Variants in CLOCK observed in about 807,000 individuals in gnomAD.
The protein encoded by CLOCK is clock circadian regulator.
In CLOCK, 43 loss-of-function variants were observed where a neutral mutation model predicts 118.4. The observed-to-expected ratio is 0.36, with a 90% confidence interval of 0.28 to 0.47. CLOCK has a LOEUF of 0.47. Ranked by LOEUF, CLOCK falls within the 20% of genes least tolerant of loss-of-function variation. The pLI is 1.00. For missense variants in CLOCK, 846 were observed against 999.9 expected (o/e 0.85, Z 2.08); for synonymous variants, 326 against 339.2 (o/e 0.96, Z 0.43).
intron 1 of CLOCK, chr4:55,545,882 G>A (rs1399107689): frequency 6.6e-6 from 1 of 152,260 alleles, no homozygotes; most frequent in African/African-American, 2.4e-5. Context: ...AAGAGAAACC[G>A]AGCGCCTCGC....
At chr4:55,501,035 GAA>G (rs2109988748) in intron 2 of CLOCK, among the ~76,000 whole-genome samples, 1 of 151,974 alleles carries the variant, frequency 6.6e-6, no homozygotes, top group South Asian at 2.1e-4. Flanking sequence ...TGTGTTTTTA[GAA>G]GAGACGAGGT....
intron 7 of CLOCK, among the ~76,000 whole-genome samples, chr4:55,474,549 T>C (rs1241207992): frequency 6.6e-6 from 1 of 152,118 alleles, no homozygotes; most frequent in Non-Finnish European, 1.5e-5. Context: ...GAAGATGCCA[T>C]CTAGAACTTT....
chr4:55,520,161 A>G (rs534480768), intron 1 of CLOCK, among the ~76,000 whole-genome samples: 14 of 152,360 alleles, frequency 9.2e-5, no homozygotes, highest in African/African-American at 3.4e-4. Flanking sequence ...TGGGTTCCAC[A>G]GTATGCCTTA....
chr4:55,469,652 G>GA (rs1174279893), intron 8 of CLOCK, among the ~76,000 whole-genome samples: 3 of 152,118 alleles, frequency 2.0e-5, no homozygotes, highest in Non-Finnish European at 4.4e-5. Flanking sequence ...TTTTTAAATA[G>GA]AAAAAAGCTT....
chr4:55,533,268 T>C (rs922505286), intron 1 of CLOCK, among the ~76,000 whole-genome samples: 1 of 152,040 alleles, frequency 6.6e-6, no homozygotes, highest in African/African-American at 2.4e-5. Context: ...GGTACTGACA[T>C]AAATACAGAG....
intron 1 of CLOCK, among the ~76,000 whole-genome samples, chr4:55,520,304 T>C (rs965348785): frequency 6.6e-6 from 1 of 152,178 alleles, no homozygotes; most frequent in Admixed American, 6.5e-5. Context: ...TCCCAAAACC[T>C]TGACTTCTAT....
intron 8 of CLOCK, among the ~76,000 whole-genome samples, chr4:55,469,660 C>T (rs1725996252): frequency 6.6e-6 from 1 of 152,204 alleles, no homozygotes; most frequent in South Asian, 2.1e-4. Flanking sequence ...TAGAAAAAAG[C>T]TTTTGAAATA....
chr4:55,445,623 C>T (rs1723766992), intron 18 of CLOCK, among the ~76,000 whole-genome samples: 1 of 81,780 alleles, frequency 1.2e-5, no homozygotes, highest in Non-Finnish European at 2.5e-5. Context: ...CAGGATCTCA[C>T]TCTGTCACCC....
chr4:55,448,719 T>A, intron 18 of CLOCK, 60 bp downstream of exon 18: 1 of 1,367,014 alleles, frequency 7.3e-7, no homozygotes, highest in Non-Finnish European at 1.0e-6. Context: ...AAAAATTACA[T>A]TAGCTTAAAA....
intron 1 of CLOCK, among the ~76,000 whole-genome samples, chr4:55,517,185 C>T (rs11939580): frequency 0.3 from 46,107 of 151,984 alleles, 7,599 homozygotes; most frequent in East Asian, 0.58. Flanking sequence ...GCCATGTATC[C>T]CTAGAATAAA....
intron 9 of CLOCK, among the ~76,000 whole-genome samples, chr4:55,462,990 G>A (rs1031576197): frequency 2.0e-5 from 3 of 152,164 alleles, no homozygotes; most frequent in Non-Finnish European, 4.4e-5. Flanking sequence ...ATTAAACAAG[G>A]TATCTAATAG....
Position 55,443,791 on chromosome 4 carries a change from G to C in CLOCK, c.1798C>G (p.Gln600Glu). The C allele has an allele frequency of 6.2e-7, 1 of 1,613,968 alleles. No individual in the cohort carries two copies. Among genetic ancestry groups the C allele is most frequent in the Non-Finnish European group, 8.5e-7 (1 of 1,179,916 alleles). ...QQLAPINMQG[Q>E]VVPTNQIQSG... Reference sequence around the variant, plus strand: ...TGAATCTGGTTAGTAGGAACAACTTGGCCTTGCATATTTATAGGTGCAAGT... The same window carrying C: ...TGAATCTGGTTAGTAGGAACAACTTCGCCTTGCATATTTATAGGTGCAAGT... The change falls in exon 20 of 23, where the codon CAA becomes GAA. Residue 600 changes from glutamine (Q) to glutamate (E), a missense_variant. Gln to Glu is a conservative substitution (Grantham distance 29). Around this residue, in one of 4 missense-constraint regions of CLOCK, gnomAD observed 520 missense variants for 558.0 expected, o/e 0.93. Coordinates refer to ENST00000513440, the MANE Select transcript of CLOCK (RefSeq NM_004898.4).
In CLOCK at chr4:55,433,251, AAATC is replaced by A; in HGVS notation, c.*2160_*2163del. ...TTCTTGATATTCATGGGAATGTGGG[AAATC>A]TCTACTGGATGGTCATTTAGCTAGA... On this transcript the variant is annotated 3_prime_UTR_variant, in exon 23 of 23. Coordinates refer to ENST00000513440, the MANE Select transcript of CLOCK (RefSeq NM_004898.4). The A allele has an allele frequency of 6.5e-6, 1 of 152,756 alleles. No individual in the cohort carries two copies. Among genetic ancestry groups the A allele is most frequent in the Middle Eastern group, 3.4e-3 (1 of 294 alleles). 9.5% of individuals were successfully genotyped at this position (152,756 alleles called of 1,614,324 possible).
intron 1 of CLOCK, among the ~76,000 whole-genome samples, chr4:55,515,233 T>G (rs1051781997): frequency 6.6e-6 from 1 of 152,212 alleles, no homozygotes; most frequent in African/African-American, 2.4e-5. Context: ...ATTTCTACTT[T>G]CATGTCTTCT....
intron 9 of CLOCK, among the ~76,000 whole-genome samples, chr4:55,461,629 G>T (rs540759998): frequency 1.3e-5 from 2 of 152,224 alleles, no homozygotes; most frequent in Non-Finnish European, 2.9e-5. Flanking sequence ...TGCAGGTCAG[G>T]TGAGCACAGC....
At chr4:55,501,712 G>A (rs1287552385) in intron 2 of CLOCK, 1 of 152,130 alleles carries the variant, frequency 6.6e-6, no homozygotes, top group African/African-American at 2.4e-5. Flanking sequence ...ACTAGTCATA[G>A]TACACTTTTT....
At position 55,440,966 on chromosome 4, in the gene CLOCK, A is replaced by AAAAAC. The variant is rs751491580; in HGVS notation, c.2105+1461_2105+1465dup. Among the ~76,000 whole-genome samples the AAAAAC allele has an allele frequency of 3.4e-3, 513 of 151,916 alleles. 1 individual carries two copies. Among genetic ancestry groups the AAAAAC allele is most frequent in the Non-Finnish European group, 4.7e-3 (318 of 67,816 alleles). ...TGCCTCAACCCATGAAACTGCTTAC[A>AAAAAC]AAAACAAAACAAAACAAAACACAAC... On this transcript the variant is annotated intron_variant, in intron 21 of 22. Coordinates refer to ENST00000513440, the MANE Select transcript of CLOCK (RefSeq NM_004898.4).
At chr4:55,447,140 G>A (rs1436317418) in intron 18 of CLOCK, among the ~76,000 whole-genome samples, 1 of 152,158 alleles carries the variant, frequency 6.6e-6, no homozygotes, top group Admixed American at 6.5e-5. Context: ...GCCGAGGTGG[G>A]CAGAATGCTT....
At chr4:55,452,954 AT>A (rs1724598086) in intron 15 of CLOCK, 99 bp downstream of exon 15, 6 of 832,560 alleles carry the variant, frequency 7.2e-6, no homozygotes, top group Non-Finnish European at 1.2e-5. Context: ...AAGTGAGGAA[AT>A]AAAGTATTTT....
Sources: gnomAD v4.1 joint callset for allele counts (sites outside exome capture counted in the v4.1 genomes callset) on GRCh38, gnomAD v4.1.1 for gene constraint, gnomAD v4.1.1 regional missense constraint, MANE v1.5 for transcripts, NCBI Gene and HGNC (gene_info 2026-07-23, HGNC 2026-07-21) for gene names.